Variants in MAST4 observed in about 807,000 individuals in gnomAD.
MAST4 encodes microtubule-associated serine/threonine-protein kinase 4.
MAST4 carries 89 observed loss-of-function variants against 162.7 expected under a neutral mutation model. The observed-to-expected ratio is 0.55, with a 90% CI of 0.46 to 0.65. The LOEUF (loss-of-function observed/expected upper bound fraction) is 0.65. Among genes scored for constraint, MAST4 ranks in the 30% least tolerant of loss-of-function variants. The pLI is 0.00. For synonymous variants in MAST4, 1,479 were observed against 1,361.1 expected, an observed-to-expected ratio of 1.09 and a Z score of -1.91; for missense variants, 3,153 against 3,374.0, an observed-to-expected ratio of 0.93 and a Z score of 1.62.
chr5:67,145,395 T>C lies in MAST4; in HGVS notation c.3094+16T>C, dbSNP rs757414747. ...ACCCTGTCAGGTAAGCCCCGGGCCA[T>C]AGTGCCTGCTGTCCTCCTCACCACA... On this transcript the variant is annotated intron_variant, in intron 23 of 28. Coordinates refer to ENST00000403625, the MANE Select transcript of MAST4 (RefSeq NM_001164664.2). 1.2e-6 allele frequency: 2 copies of C among 1,605,136 alleles called. No homozygotes were observed. The highest frequency in any genetic ancestry group is 1.1e-5 in the South Asian group (1 of 90,548).
chr5:67,111,084 T>G (rs1281162115), intron 11 of MAST4, among the ~76,000 whole-genome samples: 1 of 152,194 alleles, frequency 6.6e-6, no homozygotes, highest in Non-Finnish European at 1.5e-5. Context: ...ATTCTCCTAT[T>G]TAAAAGTTTT....
At chr5:66,656,401 A>G (rs1480177587) in intron 1 of MAST4, among the ~76,000 whole-genome samples, 1 of 152,192 alleles carries the variant, frequency 6.6e-6, no homozygotes, top group Non-Finnish European at 1.5e-5. Flanking sequence ...GTTTCATTAA[A>G]TTCTACATTT....
intron 10 of MAST4, among the ~76,000 whole-genome samples, chr5:67,109,786 C>A (rs1033560694): frequency 6.6e-6 from 1 of 152,154 alleles, no homozygotes; most frequent in East Asian, 1.9e-4. Flanking sequence ...GTACCGTGTG[C>A]TTAATGTGTC....
chr5:66,906,969 G>A (rs1455457750), intron 4 of MAST4, among the ~76,000 whole-genome samples: 1 of 152,110 alleles, frequency 6.6e-6, no homozygotes, highest in East Asian at 1.9e-4. Flanking sequence ...TCTGGGAGGA[G>A]CTGGGCCTGC....
chr5:66,771,998 T>C (rs571442850), intron 2 of MAST4, among the ~76,000 whole-genome samples: 4 of 152,190 alleles, frequency 2.6e-5, no homozygotes, highest in Non-Finnish European at 5.9e-5. Context: ...CTCAGTTCCT[T>C]ATATGTGTAG....
chr5:66,796,657 G>T (rs1755661500), intron 3 of MAST4, among the ~76,000 whole-genome samples: 1 of 152,156 alleles, frequency 6.6e-6, no homozygotes, highest in South Asian at 2.1e-4. Context: ...TCACAGAGGG[G>T]AGCAAAACAA....
chr5:66,925,944 T>G (rs1764859734), intron 4 of MAST4, among the ~76,000 whole-genome samples: 1 of 141,694 alleles, frequency 7.1e-6, no homozygotes, highest in Admixed American at 7.2e-5. Context: ...CCTAGTACAA[T>G]TTTTTTTTTT....
At chr5:67,017,577 G>T in intron 4 of MAST4, among the ~76,000 whole-genome samples, 1 of 151,558 alleles carries the variant, frequency 6.6e-6, no homozygotes, top group Admixed American at 6.6e-5. Context: ...GAAAGATATA[G>T]AGTATTTCTT....
chr5:66,837,894 A>ATATATATATATATATATATATT (rs1554057455), intron 3 of MAST4, among the ~76,000 whole-genome samples: 2 of 53,712 alleles, frequency 3.7e-5, no homozygotes, highest in Non-Finnish European at 6.0e-5. Flanking sequence ...ATATATATAT[A>ATATATATATATATATATATATT]TTTTTTTTTT....
chr5:66,990,071 T>C (rs1387120880), intron 4 of MAST4, among the ~76,000 whole-genome samples: 1 of 152,220 alleles, frequency 6.6e-6, no homozygotes, highest in African/African-American at 2.4e-5. Flanking sequence ...TGGTAAGAAG[T>C]TAATTTTATA....
chr5:67,148,732 C>T (rs1172545731), intron 23 of MAST4, among the ~76,000 whole-genome samples: 3 of 152,116 alleles, frequency 2.0e-5, no homozygotes, highest in Non-Finnish European at 4.4e-5. Context: ...GGAGTAATAT[C>T]CTTTGTCTTG....
chr5:66,672,217 G>A (rs1747652374), intron 1 of MAST4, among the ~76,000 whole-genome samples: 1 of 152,192 alleles, frequency 6.6e-6, no homozygotes, highest in Admixed American at 6.6e-5. Flanking sequence ...GATCATGTGT[G>A]CATATATGCA....
At chr5:67,011,564 G>T (rs1187837754) in intron 4 of MAST4, among the ~76,000 whole-genome samples, 1 of 152,090 alleles carries the variant, frequency 6.6e-6, no homozygotes, top group Non-Finnish European at 1.5e-5. Context: ...GCTCCTGACC[G>T]CCTCTCCCCC....
chr5:66,871,074 ATGGTAGCATTTG>A (rs1561399984), intron 3 of MAST4, among the ~76,000 whole-genome samples: 1 of 152,138 alleles, frequency 6.6e-6, no homozygotes. Flanking sequence ...CAAATCCCTG[ATGGTAGCATTTG>A]CTGGTTTCCC....
At chr5:66,771,931 C>A (rs552185045) in intron 2 of MAST4, among the ~76,000 whole-genome samples, 2 of 152,150 alleles carry the variant, frequency 1.3e-5, no homozygotes, top group African/African-American at 4.8e-5. Context: ...GCTTTCCTAT[C>A]CTTCATGCAT....
At chr5:66,911,149 A>G (rs1763730624) in intron 4 of MAST4, among the ~76,000 whole-genome samples, 1 of 152,196 alleles carries the variant, frequency 6.6e-6, no homozygotes, top group Non-Finnish European at 1.5e-5. Flanking sequence ...ACCCATGGAA[A>G]TGCCAGTAAC....
At chr5:66,653,086 A>G (rs1746331368) in intron 1 of MAST4, among the ~76,000 whole-genome samples, 1 of 152,152 alleles carries the variant, frequency 6.6e-6, no homozygotes, top group African/African-American at 2.4e-5. Context: ...CATTCTTGCC[A>G]TCAATCTCAT....
rs1302855278 is a variant in MAST4 at position 66,637,856 on chromosome 5, AC to A, written c.363+40839del. On this transcript the variant is annotated intron_variant, in intron 1 of 28. Coordinates refer to ENST00000403625, the MANE Select transcript of MAST4 (RefSeq NM_001164664.2). Reference sequence around the variant, plus strand: ...TTCCCTGGTAGCTGGTACCACAGGCACGTGCCACCACACCCAGCTAACTTTT... The same window carrying A: ...TTCCCTGGTAGCTGGTACCACAGGCAGTGCCACCACACCCAGCTAACTTTT... Among the ~76,000 whole-genome samples the A allele has an allele frequency of 3.9e-5, 6 of 151,914 alleles. No homozygotes were observed. The East Asian group carries it at 1.2e-3, about 29-fold the overall frequency.
rs1187837754 is a variant in MAST4, at chr5:67,011,564, G to A, written c.675-42840G>A. On this transcript the variant is annotated intron_variant, in intron 4 of 28. Coordinates refer to ENST00000403625, the MANE Select transcript of MAST4 (RefSeq NM_001164664.2). ...ACCTGGGCTGCCCTTGCTCCTGACC[G>A]CCTCTCCCCCAGCCTGGTCAGGGAT... Among the ~76,000 whole-genome samples, 4 of 152,090 alleles carry A rather than the reference G, an allele frequency of 2.6e-5. 1 individual carries two copies. Among genetic ancestry groups the A allele is most frequent in the Admixed American group, 2.6e-4 (4 of 15,264 alleles).
Sources: gnomAD v4.1 joint callset for allele counts (sites outside exome capture counted in the v4.1 genomes callset) on GRCh38, gnomAD v4.1.1 for gene constraint, MANE v1.5 for transcripts, NCBI Gene and HGNC (gene_info 2026-07-23, HGNC 2026-07-21) for gene names.